IQGAP1: variants seen among roughly 807,000 people sequenced by gnomAD.
IQGAP1 encodes IQ motif containing GTPase activating protein 1.
A neutral mutation model predicts 215.6 loss-of-function variants in IQGAP1; 66 were observed. The ratio of observed to expected loss-of-function variants is 0.31; its 90% CI spans 0.25 to 0.38. IQGAP1 has a LOEUF of 0.38. Ranked by LOEUF, IQGAP1 falls within the 10% of genes least tolerant of loss-of-function variation. The pLI is 1.00. For synonymous variants in IQGAP1, 772 were observed against 728.7 expected, an observed-to-expected ratio of 1.06 and a Z score of -0.96; for missense variants, 1,712 against 1,997.1, an observed-to-expected ratio of 0.86 and a Z score of 2.72.
Position 90,388,258 on chromosome 15 carries a change from C to T in IQGAP1, c.-84C>T, listed in dbSNP as rs1400922074. Reference sequence around the variant, plus strand: ...GGCCTCGGGGACCCCGGCAAGCCCGCGCACTTGGCAGGAGCTGTAGCTACC... The same window carrying T: ...GGCCTCGGGGACCCCGGCAAGCCCGTGCACTTGGCAGGAGCTGTAGCTACC... On this transcript the variant is annotated 5_prime_UTR_variant, in exon 1 of 38. Coordinates refer to ENST00000268182, the MANE Select transcript of IQGAP1 (RefSeq NM_003870.4). 1 of 1,485,156 alleles carries T rather than the reference C, an allele frequency of 6.7e-7. No homozygotes were observed. Among genetic ancestry groups the T allele is most frequent in the Non-Finnish European group, 9.2e-7 (1 of 1,089,534 alleles). The allele number at this position is 1,485,156 out of a possible 1,614,324, so 92.0% of individuals were successfully genotyped here.
At position 90,484,260 on chromosome 15, in the gene IQGAP1, G is replaced by C. The variant is rs1374659861; in HGVS notation, c.3829G>C (p.Asp1277His). 1.2e-6 allele frequency: 2 copies of C among 1,613,708 alleles called. No homozygotes were observed. The highest frequency in any genetic ancestry group is 1.7e-6 in the Non-Finnish European group (2 of 1,179,866). The change falls in exon 30 of 38, where the codon GAT (aspartate) becomes CAT (histidine). Residue 1277 changes from aspartate (D) to histidine (H), a missense_variant. Physicochemically the swap from Asp to His is moderately conservative, Grantham distance 81. Transcript: ENST00000268182. ...TGCTTGTGATGTCCCAGAGCTTCAG[G>C]ATAAATTTAATGTGGATGAGTACTC... Reference protein sequence around the residue: ...QTACDVPELQDKFNVDEYSDL... With the variant: ...QTACDVPELQHKFNVDEYSDL...
At chr15:90,389,043 C>G (rs1964596402) in intron 1 of IQGAP1, among the ~76,000 whole-genome samples, 1 of 152,006 alleles carries the variant, frequency 6.6e-6, no homozygotes, top group Non-Finnish European at 1.5e-5. Flanking sequence ...AAAGGAGGAC[C>G]CTTTGGGATT....
chr15:90,412,873 C>T (rs1254481937), intron 2 of IQGAP1, among the ~76,000 whole-genome samples: 6 of 152,112 alleles, frequency 3.9e-5, no homozygotes, highest in East Asian at 1.9e-4. Context: ...TGGTCAGTTC[C>T]GGCATTGGTA....
intron 30 of IQGAP1, 64 bp from the exon 31 acceptor site, chr15:90,485,966 A>T: frequency 8.1e-7 from 1 of 1,235,086 alleles, no homozygotes. Context: ...ATTGTTAGAC[A>T]TTCTAGGGAG....
At chr15:90,494,553 C>A in intron 35 of IQGAP1, 160 bp from the exon 36 acceptor site, 1 of 485,852 alleles carries the variant, frequency 2.1e-6, no homozygotes, top group Non-Finnish European at 3.7e-6. Context: ...AGAGATATTG[C>A]TTAGGCTAAT....
At position 90,449,558 on chromosome 15, in the gene IQGAP1, G is replaced by T; in HGVS notation, c.1078-1G>T. 6.2e-7 allele frequency: 1 copy of T among 1,611,188 alleles called. No homozygotes were observed. Among genetic ancestry groups the T allele is most frequent in the Non-Finnish European group, 8.5e-7 (1 of 1,178,616 alleles). ...TACATAATTTTCTTTGCTTTGCTCAGAGTGGTCAGACTGACCCCCTGCAGA... is the reference window on the plus strand; with the variant it reads ...TACATAATTTTCTTTGCTTTGCTCATAGTGGTCAGACTGACCCCCTGCAGA... On this transcript the variant is annotated splice_acceptor_variant, in intron 10 of 37. Coordinates refer to ENST00000268182, the MANE Select transcript of IQGAP1 (RefSeq NM_003870.4). LOFTEE classifies it high-confidence loss of function.
intron 14 of IQGAP1, 104 bp from the exon 15 acceptor site, chr15:90,456,048 G>T: frequency 1.1e-6 from 1 of 930,496 alleles, no homozygotes; most frequent in South Asian, 1.8e-5. Flanking sequence ...TTGAATCATG[G>T]TTACTCTTAG....
chr15:90,489,588 A>G (rs1011477197), intron 33 of IQGAP1, among the ~76,000 whole-genome samples: 20 of 152,238 alleles, frequency 1.3e-4, no homozygotes, highest in African/African-American at 4.8e-4. Context: ...ATAGCCAGCA[A>G]TAGGGCATCT....
intron 15 of IQGAP1, among the ~76,000 whole-genome samples, chr15:90,458,964 A>C (rs1456375366): frequency 6.6e-6 from 1 of 152,130 alleles, no homozygotes; most frequent in Non-Finnish European, 1.5e-5. Flanking sequence ...CCAACATATA[A>C]AATTGCCCAC....
Position 90,497,301 on chromosome 15 carries a change from C to T in IQGAP1, c.4821C>T (p.Phe1607=), listed in dbSNP as rs756348838. 9 of 1,609,836 alleles carry T rather than the reference C, an allele frequency of 5.6e-6. No individual in the cohort carries two copies. The highest frequency in any genetic ancestry group is 6.8e-6 in the Non-Finnish European group (8 of 1,176,192). ...GAGACTTCGAAGTGAAAGCCAAATT[C>T]ATGGGAGTTCAAATGGAGACTTTTA... The part of the protein sequence containing the change: ...EVGDFEVKAK[F]MGVQMETFML... Residue 1607 remains phenylalanine (F), a synonymous_variant, in exon 37 of 38, where the codon TTC becomes TTT. Transcript: ENST00000268182.
chr15:90,449,906 C>G (rs900542842), intron 11 of IQGAP1, among the ~76,000 whole-genome samples: 1 of 152,158 alleles, frequency 6.6e-6, no homozygotes, highest in Non-Finnish European at 1.5e-5. Context: ...CCAAGAAGCA[C>G]TGACGTATGA....
intron 15 of IQGAP1, among the ~76,000 whole-genome samples, chr15:90,458,716 G>A (rs1386958767): frequency 2.0e-5 from 3 of 152,150 alleles, no homozygotes; most frequent in African/African-American, 7.2e-5. Context: ...AGCTTCCCTA[G>A]AGCCAACTAC....
Position 90,464,576 on chromosome 15 carries a change from C to T in IQGAP1, c.1777-1425C>T, listed in dbSNP as rs111768885. Among the ~76,000 whole-genome samples, 751 of 152,178 alleles carry T rather than the reference C, an allele frequency of 4.9e-3. 9 individuals are homozygous for T. Among genetic ancestry groups the T allele is most frequent in the African/African-American group, 0.017 (720 of 41,528 alleles). On this transcript the variant is annotated intron_variant, in intron 15 of 37. Transcript: ENST00000268182. ...TGAAAATTGGAAGATAACGGCCAGGCGCAGTGGCTCACACCTGTAATCCCA... is the reference window on the plus strand; with the variant it reads ...TGAAAATTGGAAGATAACGGCCAGGTGCAGTGGCTCACACCTGTAATCCCA...
intron 36 of IQGAP1, among the ~76,000 whole-genome samples, chr15:90,496,256 C>G (rs1466873196): frequency 6.9e-6 from 1 of 144,098 alleles, no homozygotes; most frequent in Admixed American, 7.0e-5. Context: ...TAGTTGAGTT[C>G]TGGAAATCTG....
chr15:90,396,994 A>T (rs1964731342), intron 2 of IQGAP1, among the ~76,000 whole-genome samples: 1 of 152,052 alleles, frequency 6.6e-6, no homozygotes, highest in South Asian at 2.1e-4. Context: ...CTGGGATTAC[A>T]GGTGCCCACT....
chr15:90,487,401 A>T, intron 32 of IQGAP1, 94 bp from the exon 33 acceptor site: 1 of 870,838 alleles, frequency 1.1e-6, no homozygotes, highest in Non-Finnish European at 1.9e-6. Context: ...TCTGTGAGGT[A>T]CTGTTTGTGC....
intron 17 of IQGAP1, 126 bp from the exon 18 acceptor site, chr15:90,467,324 C>A: frequency 1.1e-6 from 1 of 885,660 alleles, no homozygotes; most frequent in Admixed American, 3.0e-5. Context: ...CTCACAGATC[C>A]AAGGAGCAGC....
At chr15:90,418,588 CA>C (rs34470688) in intron 2 of IQGAP1, among the ~76,000 whole-genome samples, 54,506 of 149,842 alleles carry the variant, frequency 0.36, 10,429 homozygotes, top group East Asian at 0.67. Context: ...GACACTGTCT[CA>C]AAAAAAAAAT....
chr15:90,484,363 T>C lies in IQGAP1; in HGVS notation c.3921+11T>C. 1 of 1,599,032 alleles carries C rather than the reference T, an allele frequency of 6.3e-7. No individual in the cohort carries two copies. Among genetic ancestry groups the C allele is most frequent in the Non-Finnish European group, 8.5e-7 (1 of 1,169,648 alleles). On this transcript the variant is annotated intron_variant, in intron 30 of 37. Transcript: ENST00000268182. ...ATCAACACCCACACTGTAAGTATTT[T>C]TCTTTAATTACTTAATTTCATTGTC...
Sources: allele counts gnomAD v4.1 joint callset (sites outside exome capture counted in the v4.1 genomes callset), GRCh38; gene constraint gnomAD v4.1.1; transcripts MANE v1.5; gene names NCBI Gene and HGNC (gene_info 2026-07-23, HGNC 2026-07-21).